CDKAL1: variants seen among roughly 807,000 people sequenced by gnomAD.
The protein encoded by CDKAL1 is CDKAL1 threonylcarbamoyladenosine tRNA methylthiotransferase, also known as threonylcarbamoyladenosine tRNA methylthiotransferase.
Under a neutral mutation model 68.2 loss-of-function variants are expected in CDKAL1, and 32 were observed. The observed-to-expected ratio is 0.47, with a 90% CI of 0.35 to 0.63. The LOEUF (loss-of-function observed/expected upper bound fraction) is 0.63. CDKAL1 is among the 30% of genes least tolerant of loss of function. The probability of loss-of-function intolerance (pLI) is 0.00; values close to 1 mark genes in which losing one functional copy is unlikely to be tolerated. For missense variants in CDKAL1, 606 were observed against 696.7 expected (o/e 0.87, Z 1.47); for synonymous variants, 234 against 244.3 (o/e 0.96, Z 0.39).
Position 21,065,206 on chromosome 6 carries a change from T to C in CDKAL1, c.1214T>C (p.Met405Thr). ...AGACCAGGAACTCCTGCTGCAAAAA[T>C]GGAACAAGTTCCAGCACAAGTGGTA... is the stretch of plus-strand genomic sequence containing the variant. Reference protein sequence around the residue: ...YPRPGTPAAKMEQVPAQVKKQ... With the variant: ...YPRPGTPAAKTEQVPAQVKKQ... The change falls in exon 12 of 16, where the codon ATG (methionine) becomes ACG (threonine). Residue 405 changes from methionine to threonine, a missense_variant. Transcript: ENST00000274695. The C allele has an allele frequency of 6.2e-7, 1 of 1,609,414 alleles. No homozygotes were observed. Among genetic ancestry groups the C allele is most frequent in the Non-Finnish European group, 8.5e-7 (1 of 1,178,686 alleles).
At chr6:20,829,636 A>G (rs1202807639) in intron 8 of CDKAL1, among the ~76,000 whole-genome samples, 1 of 152,182 alleles carries the variant, frequency 6.6e-6, no homozygotes, top group African/African-American at 2.4e-5. Context: ...TTATTTTTCA[A>G]GCTCTCCAAA....
At chr6:20,552,855 C>T (rs1176691292) in intron 4 of CDKAL1, among the ~76,000 whole-genome samples, 1 of 152,022 alleles carries the variant, frequency 6.6e-6, no homozygotes, top group East Asian at 1.9e-4. Context: ...TAAATCTCTA[C>T]AGATTTTATA....
chr6:21,102,359 C>T (rs1242967609), intron 12 of CDKAL1, among the ~76,000 whole-genome samples: 4 of 152,154 alleles, frequency 2.6e-5, no homozygotes, highest in Admixed American at 6.5e-5. Flanking sequence ...AACCCACCCC[C>T]GCAGGAAGTT....
chr6:21,020,935 A>C (rs542804847), intron 11 of CDKAL1, among the ~76,000 whole-genome samples: 1 of 152,118 alleles, frequency 6.6e-6, no homozygotes, highest in Admixed American at 6.6e-5. Context: ...CTATTATGTA[A>C]GTAAGAATGA....
chr6:20,842,288 T>G (rs77271242), intron 8 of CDKAL1, among the ~76,000 whole-genome samples: 1,701 of 152,330 alleles, frequency 0.011, 24 homozygotes, highest in African/African-American at 0.039. Flanking sequence ...CTCTTCTTTT[T>G]AAAGCTAAGA....
intron 4 of CDKAL1, among the ~76,000 whole-genome samples, chr6:20,632,249 T>C (rs1767705032): frequency 6.6e-6 from 1 of 152,202 alleles, no homozygotes; most frequent in Non-Finnish European, 1.5e-5. Context: ...CCACTGTAGA[T>C]TATTAGTTGT....
At chr6:21,203,691 CTTTTTTTTT>C (rs915087377) in intron 15 of CDKAL1, among the ~76,000 whole-genome samples, 2 of 94,098 alleles carry the variant, frequency 2.1e-5, no homozygotes, top group South Asian at 3.3e-4. Context: ...CACTTGACCT[CTTTTTTTTT>C]TTTTTTTTTT....
chr6:21,128,674 T>G (rs1775137710), intron 13 of CDKAL1, among the ~76,000 whole-genome samples: 1 of 152,096 alleles, frequency 6.6e-6, no homozygotes, highest in Non-Finnish European at 1.5e-5. Flanking sequence ...AAAATCTGAG[T>G]CACTGCCACA....
intron 8 of CDKAL1, among the ~76,000 whole-genome samples, chr6:20,840,115 T>C (rs1338752830): frequency 6.6e-6 from 1 of 152,216 alleles, no homozygotes; most frequent in Non-Finnish European, 1.5e-5. Flanking sequence ...CTGTATAACT[T>C]TGAGCAAGTT....
chr6:21,224,519 A>G (rs1165475229), intron 15 of CDKAL1, among the ~76,000 whole-genome samples: 2 of 152,158 alleles, frequency 1.3e-5, no homozygotes, highest in Non-Finnish European at 2.9e-5. Flanking sequence ...GTCTCAAAAT[A>G]ATAATAAACA....
intron 8 of CDKAL1, among the ~76,000 whole-genome samples, chr6:20,802,368 G>C (rs1477793189): frequency 2.7e-5 from 4 of 150,012 alleles, no homozygotes; most frequent in African/African-American, 9.8e-5. Context: ...TTTTTCTTTA[G>C]CAAATCATTT....
intron 8 of CDKAL1, among the ~76,000 whole-genome samples, chr6:20,792,181 C>T (rs1243324751): frequency 6.6e-6 from 1 of 151,936 alleles, no homozygotes; most frequent in Non-Finnish European, 1.5e-5. Context: ...TTTTTCTAAC[C>T]CTGACAAAGC....
intron 4 of CDKAL1, among the ~76,000 whole-genome samples, chr6:20,551,370 CTTTT>C (rs34611621): frequency 1.4e-5 from 2 of 141,486 alleles, no homozygotes; most frequent in Non-Finnish European, 1.6e-5. Context: ...ACTAAAATAT[CTTTT>C]TTTTTTTTTT....
rs995211894 is a variant in CDKAL1, at chr6:21,014,489, T to C, written c.1055+14117T>C. Among the ~76,000 whole-genome samples, 5 of 152,212 alleles carry C rather than the reference T, an allele frequency of 3.3e-5. No homozygotes were observed. The East Asian group carries it at 7.8e-4, about 24-fold the overall frequency. On this transcript the variant is annotated intron_variant, in intron 11 of 15. Coordinates refer to ENST00000274695, the MANE Select transcript of CDKAL1 (RefSeq NM_017774.3). ...AGCTGGGCGTGGCAGTGGGTGCCTGTAGTCCCGGCTACTCAGGAGGCTGAG... is the reference window on the plus strand; with the variant it reads ...AGCTGGGCGTGGCAGTGGGTGCCTGCAGTCCCGGCTACTCAGGAGGCTGAG...
At chr6:20,836,149 G>T (rs974296643) in intron 8 of CDKAL1, among the ~76,000 whole-genome samples, 1 of 152,046 alleles carries the variant, frequency 6.6e-6, no homozygotes, top group Non-Finnish European at 1.5e-5. Context: ...ATAGTGACTC[G>T]GTAGAGTAAC....
At chr6:21,044,731 T>C (rs766229691) in intron 11 of CDKAL1, among the ~76,000 whole-genome samples, 1 of 152,214 alleles carries the variant, frequency 6.6e-6, no homozygotes, top group Non-Finnish European at 1.5e-5. Context: ...ACTTCACTTT[T>C]CTAAACCTCT....
intron 5 of CDKAL1, among the ~76,000 whole-genome samples, chr6:20,706,329 A>G (rs1048915411): frequency 1.3e-5 from 2 of 152,182 alleles, no homozygotes; most frequent in Admixed American, 1.3e-4. Context: ...AAGGGGAAGA[A>G]AAAATCTCTC....
At chr6:20,859,418 C>G (rs928361082) in intron 9 of CDKAL1, among the ~76,000 whole-genome samples, 1 of 152,142 alleles carries the variant, frequency 6.6e-6, no homozygotes, top group Non-Finnish European at 1.5e-5. Context: ...TCTATGAATA[C>G]GTAAAAGAAC....
chr6:20,949,508 A>G (rs1175802289), intron 9 of CDKAL1, among the ~76,000 whole-genome samples: 1 of 152,186 alleles, frequency 6.6e-6, no homozygotes, highest in Non-Finnish European at 1.5e-5. Flanking sequence ...TAGCTGAAAT[A>G]TACTTAATCT....
Sources: gnomAD v4.1 joint callset for allele counts (sites outside exome capture counted in the v4.1 genomes callset) on GRCh38, gnomAD v4.1.1 for gene constraint, MANE v1.5 for transcripts, NCBI Gene and HGNC (gene_info 2026-07-23, HGNC 2026-07-21) for gene names.